The following CDC27 variants were observed in gnomAD, a reference collection of about 807,000 sequenced individuals.
CDC27 encodes the protein cell division cycle protein 27 homolog.
A neutral mutation model predicts 109.7 loss-of-function variants in CDC27; 27 were observed. The ratio of observed to expected loss-of-function variants is 0.25; its 90% CI spans 0.18 to 0.34. The LOEUF (loss-of-function observed/expected upper bound fraction) is 0.34, where lower values mean the gene tolerates loss of function less well. Ranked by LOEUF, CDC27 falls within the 10% of genes least tolerant of loss-of-function variation. The probability of loss-of-function intolerance (pLI) is 1.00; values close to 1 mark genes in which losing one functional copy is unlikely to be tolerated. For missense variants in CDC27, 579 were observed against 960.2 expected, an observed-to-expected ratio of 0.60 and a Z score of 5.25; for synonymous variants, 266 against 333.9, an observed-to-expected ratio of 0.80 and a Z score of 2.22.
chr17:47,162,951 TAGCCTGGAAGATAAAAC>T, intron 4 of CDC27, among the ~76,000 whole-genome samples: 2 of 152,130 alleles, frequency 1.3e-5, no homozygotes, highest in African/African-American at 4.8e-5. Flanking sequence ...TATAATAATC[TAGCCTGGAAGATAAAAC>T]CTCTAATTAT....
intron 8 of CDC27, among the ~76,000 whole-genome samples, chr17:47,153,454 T>A (rs1320543605): frequency 6.6e-6 from 1 of 152,248 alleles, no homozygotes; most frequent in Non-Finnish European, 1.5e-5. Flanking sequence ...TTGCAGTCCC[T>A]TTTAAGTATT....
chr17:47,130,029 A>T (rs1439107005), intron 15 of CDC27, among the ~76,000 whole-genome samples: 2 of 152,326 alleles, frequency 1.3e-5, no homozygotes, highest in South Asian at 2.1e-4. Context: ...TTTCACTCAG[A>T]ACAATTATAT....
chr17:47,186,040 A>G (rs534672258), intron 1 of CDC27, among the ~76,000 whole-genome samples: 26 of 152,328 alleles, frequency 1.7e-4, no homozygotes, highest in Middle Eastern at 3.4e-3. Context: ...AAATGTCAAT[A>G]GTGCTCAGAT....
At chr17:47,129,323 T>A in intron 16 of CDC27, 70 bp downstream of exon 16, 1 of 1,149,758 alleles carries the variant, frequency 8.7e-7, no homozygotes, top group South Asian at 1.6e-5. Flanking sequence ...ACTTTCAGTT[T>A]ATTGAAAACA....
chr17:47,147,920 G>A (rs1258952181), intron 9 of CDC27, among the ~76,000 whole-genome samples: 1 of 145,736 alleles, frequency 6.9e-6, no homozygotes, highest in Admixed American at 6.8e-5. Flanking sequence ...AAAAAAAAAG[G>A]CTGGGCGCGG....
At chr17:47,188,979 G>A in intron 1 of CDC27, 167 bp downstream of exon 1, 2 of 1,480,800 alleles carry the variant, frequency 1.4e-6, no homozygotes, top group Non-Finnish European at 1.8e-6. Context: ...ACACGGCTTA[G>A]GCTGTGGGCA....
chr17:47,130,813 GT>G (rs1311522668), intron 15 of CDC27, among the ~76,000 whole-genome samples: 1 of 150,872 alleles, frequency 6.6e-6, no homozygotes, highest in Non-Finnish European at 1.5e-5. Context: ...GGAGGTGGAG[GT>G]TGTGGTAAGC....
intron 18 of CDC27, among the ~76,000 whole-genome samples, chr17:47,121,265 C>T (rs913145817): frequency 2.6e-5 from 4 of 151,982 alleles, no homozygotes; most frequent in African/African-American, 7.3e-5. Flanking sequence ...CTAATGAGTT[C>T]CTTATTCCTG....
In CDC27 at chr17:47,134,835, G is replaced by C. The variant is rs1360144954; in HGVS notation, c.1913+2317C>G. ...GGAAGGGGTCTTGCTATGTTGACCA[G>C]GCTGGTCTCAAACTCCTGGTCTCAA... On this transcript the variant is annotated intron_variant, in intron 14 of 18. Coordinates refer to ENST00000066544, the MANE Select transcript of CDC27 (RefSeq NM_001256.6). 2.7e-5 allele frequency among the ~76,000 whole-genome samples: 4 copies of C among 145,524 alleles called. No homozygotes were observed. In the East Asian group the frequency reaches 7.9e-4, roughly 29 times the overall value.
In CDC27 at chr17:47,118,125, CA is replaced by C. The variant is rs1442640258; in HGVS notation, c.*2809del. 1 of 152,150 alleles carries C rather than the reference CA, an allele frequency of 6.6e-6. No individual in the cohort carries two copies. Among genetic ancestry groups the C allele is most frequent in the Non-Finnish European group, 1.5e-5 (1 of 68,008 alleles). The allele number at this position is 152,150 out of a possible 1,614,324, so 9.4% of individuals were successfully genotyped here. ...ACACTTGCATTTTCCCAGGTTTTCA[CA>C]AAGAAAATGGGTCACCATATTTCTC... On this transcript the variant is annotated 3_prime_UTR_variant, in exon 19 of 19. Coordinates refer to ENST00000066544, the MANE Select transcript of CDC27 (RefSeq NM_001256.6).
chr17:47,133,052 C>CACAT lies in CDC27; in HGVS notation c.1914-682_1914-679dup, dbSNP rs1555783935. Among the ~76,000 whole-genome samples, 43 of 70,670 alleles carry CACAT rather than the reference C, an allele frequency of 6.1e-4. 2 individuals are homozygous for CACAT. Among genetic ancestry groups the CACAT allele is most frequent in the African/African-American group, 7.9e-4 (15 of 18,996 alleles). The allele number at this position is 70,670 out of a possible 152,430, so 46.4% of individuals were successfully genotyped here. A position where few individuals can be genotyped will look rare whatever the true frequency, so the allele number is the denominator to read the frequency against. On this transcript the variant is annotated intron_variant, in intron 14 of 18. Transcript: ENST00000066544. ...ATACACACACACACACACACACACA[C>CACAT]ACATACATATACACACACACACACA...
rs754105922 is a variant in CDC27, at chr17:47,120,708, C to T, written c.*227G>A. ...AAAGAAAGTTCCCCACCCTACCCCC[C>T]ATAAATTGTCATTCATACTGGTAAA... On this transcript the variant is annotated 3_prime_UTR_variant, in exon 19 of 19. Transcript: ENST00000066544. 23 of 425,200 alleles carry T rather than the reference C, an allele frequency of 5.4e-5. No homozygotes were observed. The highest frequency in any genetic ancestry group is 9.3e-5 in the Non-Finnish European group (22 of 237,560). The allele number at this position is 425,200 out of a possible 1,614,324, so 26.3% of individuals were successfully genotyped here. A position where few individuals can be genotyped will look rare whatever the true frequency, so the allele number is the denominator to read the frequency against.
chr17:47,121,074 T>C, intron 18 of CDC27, 57 bp from the exon 19 acceptor site: 2 of 1,147,516 alleles, frequency 1.7e-6, no homozygotes, highest in South Asian at 1.3e-5. Flanking sequence ...GTCCTGTTGG[T>C]TCATGAAAAC....
At position 47,120,866 on chromosome 17, in the gene CDC27, TATACAGAGG is replaced by T; in HGVS notation, c.*60_*68del. 2 of 1,101,796 alleles carry T rather than the reference TATACAGAGG, an allele frequency of 1.8e-6. No individual in the cohort carries two copies. The highest frequency in any genetic ancestry group is 2.8e-6 in the Non-Finnish European group (2 of 726,310). The allele number at this position is 1,101,796 out of a possible 1,614,324, so 68.3% of individuals were successfully genotyped here. On this transcript the variant is annotated 3_prime_UTR_variant, in exon 19 of 19. Transcript: ENST00000066544. ...CGCCAGCTCAAGAGTAAAGACTCAG[TATACAGAGG>T]GACAAGAAACACGTCAGCACTAGTC...
chr17:47,168,983 C>CT (rs558815409), intron 4 of CDC27, among the ~76,000 whole-genome samples: 14,517 of 139,224 alleles, frequency 0.1, 821 homozygotes, highest in South Asian at 0.21. Context: ...TGTTCTTTTT[C>CT]TTTTTTTTTT....
At chr17:47,169,847 A>C in intron 4 of CDC27, 70 bp downstream of exon 4, 1 of 1,318,814 alleles carries the variant, frequency 7.6e-7, no homozygotes, top group East Asian at 2.5e-5. Flanking sequence ...TGATCAACAT[A>C]GGTTTTTTAA....
At position 47,151,787 on chromosome 17, in the gene CDC27, T is replaced by A; in HGVS notation, c.1070+19A>T. The A allele has an allele frequency of 6.6e-7, 1 of 1,512,270 alleles. No individual in the cohort carries two copies. The highest frequency in any genetic ancestry group is 8.9e-7 in the Non-Finnish European group (1 of 1,128,388). The allele number at this position is 1,512,270 out of a possible 1,614,324, so 93.7% of individuals were successfully genotyped here. A position where few individuals can be genotyped will look rare whatever the true frequency, so the allele number is the denominator to read the frequency against. On this transcript the variant is annotated intron_variant, in intron 9 of 18. Coordinates refer to ENST00000066544, the MANE Select transcript of CDC27 (RefSeq NM_001256.6). ...AAGTTTTATGCCAAGAAAAGTTGAA[T>A]AATTACAATGATAAATACCTTGTTT...
chr17:47,170,843 A>G (rs900937943), intron 3 of CDC27: 2 of 152,254 alleles, frequency 1.3e-5, no homozygotes, highest in Non-Finnish European at 2.9e-5. Flanking sequence ...GCTCAAGCCT[A>G]TAACCCCAGC....
chr17:47,148,980 G>A (rs1009075813), intron 9 of CDC27, among the ~76,000 whole-genome samples: 3 of 150,252 alleles, frequency 2.0e-5, no homozygotes, highest in Admixed American at 1.3e-4. Context: ...TCGGGAGGCC[G>A]TGGCAGGAGA....
Sources: allele counts gnomAD v4.1 joint callset (sites outside exome capture counted in the v4.1 genomes callset), GRCh38; gene constraint gnomAD v4.1.1; transcripts MANE v1.5; gene names NCBI Gene and HGNC (gene_info 2026-07-23, HGNC 2026-07-21).